Variants in ESRRG observed in about 807,000 individuals in gnomAD.
ESRRG encodes the protein estrogen related receptor gamma.
ESRRG carries 13 observed loss-of-function variants against 44.0 expected under a neutral mutation model. The ratio of observed to expected loss-of-function variants is 0.30; its 90% CI spans 0.19 to 0.47. ESRRG has a LOEUF of 0.47. Among genes scored for constraint, ESRRG ranks in the 20% least tolerant of loss-of-function variants. The pLI is 1.00. For missense variants in ESRRG, 395 were observed against 580.6 expected (o/e 0.68, Z 3.29); for synonymous variants, 215 against 214.6 (o/e 1.00, Z -0.02).
chr1:217,096,714 GTC>G (rs2092429701), intron 1 of ESRRG, among the ~76,000 whole-genome samples: 1 of 144,920 alleles, frequency 6.9e-6, no homozygotes, highest in African/African-American at 2.6e-5. Context: ...TCTCTCCTTT[GTC>G]TCTACTTCCA....
At chr1:216,955,083 A>G (rs779647556) in intron 1 of ESRRG, among the ~76,000 whole-genome samples, 1 of 152,152 alleles carries the variant, frequency 6.6e-6, no homozygotes, top group Non-Finnish European at 1.5e-5. Flanking sequence ...TTTTTTGAAC[A>G]TATACACTAA....
At chr1:216,858,359 C>A (rs1219338879) in intron 2 of ESRRG, among the ~76,000 whole-genome samples, 1 of 151,924 alleles carries the variant, frequency 6.6e-6, no homozygotes, top group Non-Finnish European at 1.5e-5. Flanking sequence ...ATGGTGTGAA[C>A]CTGGGAGGTG....
intron 2 of ESRRG, among the ~76,000 whole-genome samples, chr1:216,754,903 A>G (rs959498566): frequency 6.6e-6 from 1 of 151,870 alleles, no homozygotes; most frequent in Admixed American, 6.6e-5. Flanking sequence ...GCATCCATCC[A>G]TTCATTCAAC....
rs540077668 is a variant in ESRRG at position 216,994,242 on chromosome 1, G to A, written c.-105-54569C>T. On this transcript the variant is annotated intron_variant, in intron 1 of 7. Coordinates refer to the ESRRG transcript ENST00000359162. ...AAATTTTGTCTAGACATTAAGCAGCGAAAAAAAATCATTTCAACTGACAAT... is the reference window on the plus strand; with the variant it reads ...AAATTTTGTCTAGACATTAAGCAGCAAAAAAAAATCATTTCAACTGACAAT... Among the ~76,000 whole-genome samples the A allele has an allele frequency of 1.5e-3, 227 of 151,990 alleles. 2 individuals are homozygous for A. The highest frequency in any genetic ancestry group is 5.3e-3 in the African/African-American group (220 of 41,442).
intron 5 of ESRRG, among the ~76,000 whole-genome samples, chr1:216,548,210 T>C (rs1222336502): frequency 2.0e-5 from 3 of 152,126 alleles, no homozygotes; most frequent in Non-Finnish European, 4.4e-5. Context: ...TTGGCTCATT[T>C]TGCCTGCCCA....
In ESRRG at chr1:216,855,416, GA is replaced by G. The variant is rs202109742; in HGVS notation, c.-14+84165del. Among the ~76,000 whole-genome samples the G allele has an allele frequency of 9.9e-3, 1,470 of 147,740 alleles. 21 individuals carry two copies. The highest frequency in any genetic ancestry group is 0.034 in the African/African-American group (1,394 of 41,028). ...TGTGAATTATCTCATTTAATTGTTAGAAAAAAAATATCTGTGGGTATATTAT... is the reference window on the plus strand; with the variant it reads ...TGTGAATTATCTCATTTAATTGTTAGAAAAAAATATCTGTGGGTATATTAT... On this transcript the variant is annotated intron_variant, in intron 2 of 7. Transcript: ENST00000359162.
At chr1:216,720,393 C>T (rs1575730932) in intron 1 of ESRRG, among the ~76,000 whole-genome samples, 1 of 151,964 alleles carries the variant, frequency 6.6e-6, no homozygotes, top group African/African-American at 2.4e-5. Context: ...AAATAAAAAA[C>T]AAAACATGAA....
chr1:216,846,402 G>C (rs912494706), intron 2 of ESRRG, among the ~76,000 whole-genome samples: 3 of 152,118 alleles, frequency 2.0e-5, no homozygotes, highest in African/African-American at 7.2e-5. Context: ...AAACTTTTCT[G>C]TAGAGGTCCG....
At chr1:217,082,668 C>A (rs184850752) in intron 1 of ESRRG, among the ~76,000 whole-genome samples, 24,336 of 150,936 alleles carry the variant, frequency 0.16, 2,233 homozygotes, top group Admixed American at 0.22. Context: ...CACCCCCACC[C>A]CACACACACA....
At chr1:216,731,512 A>G in intron 2 of ESRRG, among the ~76,000 whole-genome samples, 1 of 152,230 alleles carries the variant, frequency 6.6e-6, no homozygotes, top group East Asian at 1.9e-4. Flanking sequence ...CCCTGATGAG[A>G]ACATATCACA....
At chr1:216,686,244 A>G (rs1352986019) in intron 1 of ESRRG, 1 of 152,036 alleles carries the variant, frequency 6.6e-6, no homozygotes, top group African/African-American at 2.4e-5. Flanking sequence ...CTAATTATTA[A>G]TCCTAAAAAT....
intron 3 of ESRRG, among the ~76,000 whole-genome samples, chr1:216,635,932 C>T (rs1331240146): frequency 6.6e-6 from 1 of 152,202 alleles, no homozygotes; most frequent in Non-Finnish European, 1.5e-5. Flanking sequence ...CCTAAACATT[C>T]AAGCAACAAA....
chr1:216,926,179 C>A lies in ESRRG; in HGVS notation c.-14+13403G>T, dbSNP rs550300951. 1.1e-4 allele frequency among the ~76,000 whole-genome samples: 17 copies of A among 152,284 alleles called. 1 individual carries two copies. The South Asian group carries it at 2.7e-3, about 24-fold the overall frequency. On this transcript the variant is annotated intron_variant, in intron 2 of 7. Transcript: ENST00000359162. The stretch of plus-strand genomic sequence containing the variant: ...CACTTATTAGAACACAGATGCCAGG[C>A]CCCTGCCCTCGAGCTGCTGCTTCCG...
At chr1:216,927,934 G>T (rs755573447) in intron 2 of ESRRG, among the ~76,000 whole-genome samples, 1 of 152,186 alleles carries the variant, frequency 6.6e-6, no homozygotes, top group Non-Finnish European at 1.5e-5. Flanking sequence ...GTTTAATCCA[G>T]TTCCAATCTT....
intron 3 of ESRRG, among the ~76,000 whole-genome samples, chr1:216,569,979 T>C (rs1205386394): frequency 6.6e-6 from 1 of 152,224 alleles, no homozygotes; most frequent in Non-Finnish European, 1.5e-5. Context: ...CTGTGGGTTA[T>C]CTGAGTTACA....
intron 2 of ESRRG, among the ~76,000 whole-genome samples, chr1:216,733,464 G>A (rs1195579821): frequency 6.6e-6 from 1 of 152,080 alleles, no homozygotes; most frequent in Non-Finnish European, 1.5e-5. Context: ...CCGTCATTGA[G>A]CAGTTAAATC....
At chr1:216,922,302 T>G (rs2149724608) in intron 2 of ESRRG, among the ~76,000 whole-genome samples, 1 of 152,310 alleles carries the variant, frequency 6.6e-6, no homozygotes, top group East Asian at 1.9e-4. Flanking sequence ...CCTGATAATT[T>G]TTCTGGCTAC....
chr1:216,948,768 G>A (rs1366510108), intron 1 of ESRRG, among the ~76,000 whole-genome samples: 1 of 152,024 alleles, frequency 6.6e-6, no homozygotes, highest in Non-Finnish European at 1.5e-5. Context: ...TTTGCATAAG[G>A]TTTTTAGCTG....
chr1:217,039,018 A>G lies in ESRRG; in HGVS notation c.-106+50489T>C, dbSNP rs547793081. ...AGTTCCACAAATCTCTAGGGCAGGGACAAAATGTTGCCAGTCTCTTTGCTA... is the reference window on the plus strand; with the variant it reads ...AGTTCCACAAATCTCTAGGGCAGGGGCAAAATGTTGCCAGTCTCTTTGCTA... On this transcript the variant is annotated intron_variant, in intron 1 of 7. Transcript: ENST00000359162. Among the ~76,000 whole-genome samples the G allele has an allele frequency of 5.9e-5, 9 of 152,288 alleles. 1 individual carries two copies. In the South Asian group the frequency reaches 1.9e-3, roughly 32 times the overall value.
Sources: allele counts gnomAD v4.1 joint callset (sites outside exome capture counted in the v4.1 genomes callset), GRCh38; gene constraint gnomAD v4.1.1; transcripts MANE v1.5; gene names NCBI Gene and HGNC (gene_info 2026-07-23, HGNC 2026-07-21).